Variants in KCNIP4 observed in about 807,000 individuals in gnomAD.
KCNIP4 encodes potassium voltage-gated channel interacting protein 4.
A neutral mutation model predicts 34.0 loss-of-function variants in KCNIP4; 12 were observed. The observed-to-expected ratio is 0.35, with a 90% CI of 0.23 to 0.57. The LOEUF (loss-of-function observed/expected upper bound fraction) is 0.57, where lower values mean the gene tolerates loss of function less well. Among genes scored for constraint, KCNIP4 ranks in the 20% least tolerant of loss-of-function variants. The pLI, the probability that KCNIP4 is intolerant of heterozygous loss-of-function variation, is 0.83. For synonymous variants in KCNIP4, 124 were observed against 102.2 expected (o/e 1.21, Z -1.29); for missense variants, 238 against 311.7 (o/e 0.76, Z 1.78).
At chr4:21,083,451 T>C (rs778955665) in intron 1 of KCNIP4, among the ~76,000 whole-genome samples, 2 of 151,822 alleles carry the variant, frequency 1.3e-5, no homozygotes, top group East Asian at 3.9e-4. Context: ...GGTTCTTGCA[T>C]TGGATTATCC....
intron 1 of KCNIP4, among the ~76,000 whole-genome samples, chr4:21,573,757 A>T (rs1257352263): frequency 6.6e-6 from 1 of 152,140 alleles, no homozygotes; most frequent in Admixed American, 6.6e-5. Context: ...ATGTTAGTAC[A>T]CTACGCTCCA....
chr4:21,388,314 G>C (rs1311935562), intron 1 of KCNIP4, among the ~76,000 whole-genome samples: 2 of 150,938 alleles, frequency 1.3e-5, no homozygotes, highest in East Asian at 3.9e-4. Context: ...AGCCTCAACT[G>C]TTCCACACTA....
chr4:21,438,928 C>T (rs557515826), intron 1 of KCNIP4, among the ~76,000 whole-genome samples: 1 of 152,040 alleles, frequency 6.6e-6, no homozygotes, highest in African/African-American at 2.4e-5. Context: ...TTTGGGAGGC[C>T]GAGGTGGGCA....
intron 1 of KCNIP4, among the ~76,000 whole-genome samples, chr4:21,119,561 C>G (rs2109129669): frequency 6.6e-6 from 1 of 151,518 alleles, no homozygotes. Context: ...ACTAGCGTAA[C>G]CAAACATAGA....
chr4:21,471,458 C>T (rs1370699956), intron 1 of KCNIP4, among the ~76,000 whole-genome samples: 1 of 152,024 alleles, frequency 6.6e-6, no homozygotes, highest in Non-Finnish European at 1.5e-5. Context: ...CAAATTTTAT[C>T]GGAATCTTTA....
chr4:20,748,552 T>A (rs925329163), intron 5 of KCNIP4, among the ~76,000 whole-genome samples: 1 of 110,912 alleles, frequency 9.0e-6, no homozygotes, highest in Non-Finnish European at 1.8e-5. Flanking sequence ...AAATGCACCT[T>A]CCAAATTTTA....
At chr4:21,635,119 C>A (rs1746041221) in intron 1 of KCNIP4, among the ~76,000 whole-genome samples, 1 of 152,084 alleles carries the variant, frequency 6.6e-6, no homozygotes, top group Admixed American at 6.6e-5. Flanking sequence ...ATAAATTGTT[C>A]TGGCAAATTG....
At chr4:21,302,621 A>C (rs749265211) in intron 1 of KCNIP4, among the ~76,000 whole-genome samples, 2 of 152,228 alleles carry the variant, frequency 1.3e-5, no homozygotes, top group South Asian at 4.1e-4. Flanking sequence ...AGATATTTCC[A>C]TCAGAGAGGG....
rs193235417 is a variant in KCNIP4 at position 20,951,396 on chromosome 4, A to C, written c.62-68687T>G. Among the ~76,000 whole-genome samples, 296 of 152,332 alleles carry C rather than the reference A, an allele frequency of 1.9e-3. 2 individuals carry two copies. Among genetic ancestry groups the C allele is most frequent in the Middle Eastern group, 3.4e-3 (1 of 294 alleles). On this transcript the variant is annotated intron_variant, in intron 1 of 8. Transcript: ENST00000382152. ...TTAAGAAATTTGGTAGAAGTATTAGATGAATTATTCAAAAGTCCTTGGAAA... is the reference window on the plus strand; with the variant it reads ...TTAAGAAATTTGGTAGAAGTATTAGCTGAATTATTCAAAAGTCCTTGGAAA...
intron 1 of KCNIP4, among the ~76,000 whole-genome samples, chr4:21,048,974 G>A (rs1468849633): frequency 3.2e-5 from 4 of 126,170 alleles, no homozygotes; most frequent in South Asian, 2.5e-4. Flanking sequence ...TTTTTGAGAC[G>A]GAGTCTCGCT....
chr4:21,762,820 T>C (rs1373989062), intron 1 of KCNIP4: 1 of 692,114 alleles, frequency 1.4e-6, no homozygotes, highest in East Asian at 6.8e-5. Context: ...GAATAAATGT[T>C]CACATGAAGA....
chr4:21,288,591 A>C (rs144299829), intron 1 of KCNIP4, among the ~76,000 whole-genome samples: 2 of 152,290 alleles, frequency 1.3e-5, no homozygotes, highest in Non-Finnish European at 2.9e-5. Context: ...TACTATTATT[A>C]TCTTCTTTTT....
chr4:20,939,414 G>T (rs929327235), intron 1 of KCNIP4, among the ~76,000 whole-genome samples: 1 of 151,368 alleles, frequency 6.6e-6, no homozygotes, highest in Non-Finnish European at 1.5e-5. Flanking sequence ...AGTCTCTATC[G>T]CCAGGCTGGA....
chr4:21,493,578 A>C (rs1240292415), intron 1 of KCNIP4, among the ~76,000 whole-genome samples: 1 of 152,198 alleles, frequency 6.6e-6, no homozygotes, highest in Non-Finnish European at 1.5e-5. Flanking sequence ...AATACACTGG[A>C]TTAGCCTTTG....
chr4:21,810,641 G>C (rs1343351568), intron 1 of KCNIP4, among the ~76,000 whole-genome samples: 1 of 141,026 alleles, frequency 7.1e-6, no homozygotes, highest in African/African-American at 2.6e-5. Flanking sequence ...AGTGAGCCGA[G>C]ATCGCGCCAC....
At chr4:20,781,271 C>G (rs1319444761) in intron 3 of KCNIP4, among the ~76,000 whole-genome samples, 1 of 152,080 alleles carries the variant, frequency 6.6e-6, no homozygotes, top group East Asian at 1.9e-4. Context: ...TATTTTTGCC[C>G]ATTTGAAGCA....
chr4:21,519,785 ATGTGTGTGTATACACGTGTGTGTATG>A (rs1560481356), intron 1 of KCNIP4, among the ~76,000 whole-genome samples: 2,867 of 128,000 alleles, frequency 0.022, 106 homozygotes, highest in East Asian at 0.075. Context: ...ACGTGTGTGT[ATGTGTGTGTATACACGTGTGTGTATG>A]TGTGTGTATA....
At chr4:20,789,970 A>G (rs1712512147) in intron 3 of KCNIP4, among the ~76,000 whole-genome samples, 1 of 152,148 alleles carries the variant, frequency 6.6e-6, no homozygotes, top group Admixed American at 6.6e-5. Flanking sequence ...TGTATCACTT[A>G]ATGATGGAGA....
chr4:21,476,713 A>G (rs1168544341), intron 1 of KCNIP4, among the ~76,000 whole-genome samples: 2 of 152,206 alleles, frequency 1.3e-5, no homozygotes, highest in Non-Finnish European at 2.9e-5. Flanking sequence ...CTAAACCTAG[A>G]AAACCTCAAA....
Sources: allele counts gnomAD v4.1 joint callset (sites outside exome capture counted in the v4.1 genomes callset), GRCh38; gene constraint gnomAD v4.1.1; transcripts MANE v1.5; gene names NCBI Gene and HGNC (gene_info 2026-07-23, HGNC 2026-07-21).